CDH13: variants seen among roughly 807,000 people sequenced by gnomAD.
The protein encoded by CDH13 is cadherin 13.
A neutral mutation model predicts 63.8 loss-of-function variants in CDH13; 24 were observed. The ratio of observed to expected loss-of-function variants is 0.38; its 90% CI spans 0.27 to 0.53. The LOEUF (loss-of-function observed/expected upper bound fraction) is 0.53, where lower values mean the gene tolerates loss of function less well. CDH13 is among the 20% of genes least tolerant of loss of function. CDH13 has a pLI of 0.85. For missense variants in CDH13, 1,049 were observed against 903.1 expected, an observed-to-expected ratio of 1.16 and a Z score of -2.07; for synonymous variants, 503 against 355.3, an observed-to-expected ratio of 1.42 and a Z score of -4.67.
intron 1 of CDH13, among the ~76,000 whole-genome samples, chr16:82,849,356 G>A (rs1179526050): frequency 6.6e-6 from 1 of 152,088 alleles, no homozygotes; most frequent in African/African-American, 2.4e-5. Flanking sequence ...ACAAAAATTA[G>A]CTGGGTGTGG....
intron 1 of CDH13, among the ~76,000 whole-genome samples, chr16:82,702,793 C>A (rs1022389137): frequency 6.6e-6 from 1 of 152,114 alleles, no homozygotes; most frequent in Non-Finnish European, 1.5e-5. Flanking sequence ...TGCCTGGAAC[C>A]CTGTGGCCCC....
chr16:83,490,048 C>CACACACACACACACAG lies in CDH13; in HGVS notation c.960+3394_960+3395insCACACACACACACAGA, dbSNP rs530046272. ...ACACACACACACACACACACACACA[C>CACACACACACACACAG]AGCTCACCAGCACCTCTGGCTCTCA... is the stretch of plus-strand genomic sequence containing the variant. On this transcript the variant is annotated intron_variant, in intron 7 of 13. Transcript: ENST00000567109. Among the ~76,000 whole-genome samples, 93 of 150,274 alleles carry CACACACACACACACAG rather than the reference C, an allele frequency of 6.2e-4. 2 individuals carry two copies. The South Asian group carries it at 0.018, about 28-fold the overall frequency.
At chr16:82,697,416 CTTTTTTCT>C (rs1372626552) in intron 1 of CDH13, among the ~76,000 whole-genome samples, 1 of 106,362 alleles carries the variant, frequency 9.4e-6, no homozygotes, top group African/African-American at 3.5e-5. Flanking sequence ...CAAGGCATTT[CTTTTTTCT>C]TTTTTTTTTT....
intron 1 of CDH13, among the ~76,000 whole-genome samples, chr16:82,724,032 A>G (rs563309003): frequency 6.6e-6 from 1 of 152,312 alleles, no homozygotes; most frequent in Non-Finnish European, 1.5e-5. Context: ...GAACAACTTC[A>G]TTGGTACTCT....
chr16:83,355,221 A>G (rs1387920957), intron 6 of CDH13, among the ~76,000 whole-genome samples: 1 of 152,232 alleles, frequency 6.6e-6, no homozygotes, highest in African/African-American at 2.4e-5. Context: ...AGAAGAGATC[A>G]CATAAAATTT....
At chr16:83,624,179 G>A (rs768533419) in intron 8 of CDH13, among the ~76,000 whole-genome samples, 6 of 152,132 alleles carry the variant, frequency 3.9e-5, no homozygotes, top group Non-Finnish European at 5.9e-5. Context: ...GGCAAGAAAG[G>A]TGACTTCTGA....
At chr16:82,744,403 T>C (rs1420531973) in intron 1 of CDH13, among the ~76,000 whole-genome samples, 1 of 151,380 alleles carries the variant, frequency 6.6e-6, no homozygotes, top group African/African-American at 2.5e-5. Context: ...TGGGTAGCAG[T>C]AGCTTGAGTT....
intron 3 of CDH13, among the ~76,000 whole-genome samples, chr16:83,049,996 T>C (rs949152444): frequency 1.3e-5 from 2 of 152,194 alleles, no homozygotes; most frequent in Non-Finnish European, 2.9e-5. Context: ...ATAATAATGC[T>C]ACAAAAACGT....
At chr16:83,606,877 A>C (rs1213081583) in intron 8 of CDH13, among the ~76,000 whole-genome samples, 1 of 152,110 alleles carries the variant, frequency 6.6e-6, no homozygotes, top group East Asian at 1.9e-4. Context: ...CAGGTATAAC[A>C]GCCAGTAACA....
intron 5 of CDH13, among the ~76,000 whole-genome samples, chr16:83,234,036 G>T (rs2040077689): frequency 6.6e-6 from 1 of 152,216 alleles, no homozygotes; most frequent in African/African-American, 2.4e-5. Context: ...GGCCAGCACA[G>T]TGTCCAAGGG....
intron 2 of CDH13, among the ~76,000 whole-genome samples, chr16:82,937,940 T>C (rs1459455081): frequency 6.6e-6 from 1 of 152,248 alleles, no homozygotes; most frequent in African/African-American, 2.4e-5. Flanking sequence ...TTGGATATAG[T>C]TATTCAAATG....
rs150509481 is a variant in CDH13 at position 83,570,062 on chromosome 16, C to G, written c.961-32392C>G. On this transcript the variant is annotated intron_variant, in intron 7 of 13. Transcript: ENST00000567109. Reference sequence around the variant, plus strand: ...GAGCCAGTGGTTTTAAACTGATCATCATCCATTCCCTTTCTCAGACTTAGG... The same window carrying G: ...GAGCCAGTGGTTTTAAACTGATCATGATCCATTCCCTTTCTCAGACTTAGG... Among the ~76,000 whole-genome samples the G allele has an allele frequency of 5.4e-3, 824 of 152,214 alleles. 9 individuals carry two copies. Among genetic ancestry groups the G allele is most frequent in the Non-Finnish European group, 6.4e-3 (435 of 68,010 alleles).
chr16:83,221,136 A>G (rs1467439412), intron 5 of CDH13, among the ~76,000 whole-genome samples: 1 of 151,830 alleles, frequency 6.6e-6, no homozygotes, highest in Non-Finnish European at 1.5e-5. Flanking sequence ...ACTAAGAAAC[A>G]CTCTTCCTAT....
chr16:83,077,181 C>CTTTTTTTTTTTTTT (rs1160572033), intron 3 of CDH13, among the ~76,000 whole-genome samples: 2 of 93,452 alleles, frequency 2.1e-5, no homozygotes, highest in African/African-American at 4.5e-5. Flanking sequence ...TCTTTTTTTT[C>CTTTTTTTTTTTTTT]TTTTCTTTTT....
At chr16:82,912,891 C>T (rs1168134475) in intron 2 of CDH13, among the ~76,000 whole-genome samples, 4 of 151,006 alleles carry the variant, frequency 2.6e-5, no homozygotes, top group Non-Finnish European at 4.4e-5. Flanking sequence ...TGCAGTGAGC[C>T]GAGATCACGC....
At chr16:82,786,735 A>G (rs1245599896) in intron 1 of CDH13, among the ~76,000 whole-genome samples, 1 of 141,092 alleles carries the variant, frequency 7.1e-6, no homozygotes, top group Non-Finnish European at 1.5e-5. Context: ...ATTCCCACCT[A>G]TGAGTGAGAA....
intron 10 of CDH13, among the ~76,000 whole-genome samples, chr16:83,686,235 C>T (rs1567515474): frequency 6.6e-6 from 1 of 152,214 alleles, no homozygotes; most frequent in Non-Finnish European, 1.5e-5. Flanking sequence ...CTTCACCAAG[C>T]TTCACACTTC....
At chr16:82,934,375 C>A (rs1323319685) in intron 2 of CDH13, among the ~76,000 whole-genome samples, 2 of 152,184 alleles carry the variant, frequency 1.3e-5, no homozygotes, top group Non-Finnish European at 2.9e-5. Context: ...AGCACTAAGT[C>A]CTTAGGCTGC....
intron 1 of CDH13, chr16:82,689,096 A>G (rs914208226): frequency 6.6e-6 from 1 of 152,058 alleles, no homozygotes; most frequent in Non-Finnish European, 1.5e-5. Context: ...GTATAAAGTA[A>G]TGGGTATTTT....
Sources: allele counts gnomAD v4.1 joint callset (sites outside exome capture counted in the v4.1 genomes callset), GRCh38; gene constraint gnomAD v4.1.1; transcripts MANE v1.5; gene names NCBI Gene and HGNC (gene_info 2026-07-23, HGNC 2026-07-21).